FGF14: variants seen among roughly 807,000 people sequenced by gnomAD.
FGF14 encodes the protein fibroblast growth factor homologous factor 4.
FGF14 carries 5 observed loss-of-function variants against 25.5 expected under a neutral mutation model. That is an observed-to-expected ratio of 0.20 (90% CI 0.10 to 0.41). The LOEUF (loss-of-function observed/expected upper bound fraction) is 0.41. Ranked by LOEUF, FGF14 falls within the 10% of genes least tolerant of loss-of-function variation. The pLI, the probability that FGF14 is intolerant of heterozygous loss-of-function variation, is 1.00. For synonymous variants in FGF14, 138 were observed against 118.3 expected (o/e 1.17, Z -1.08); for missense variants, 222 against 320.1 (o/e 0.69, Z 2.34).
intron 1 of FGF14, chr13:102,394,489 G>A (rs1174084518): frequency 6.6e-6 from 1 of 152,532 alleles, no homozygotes; most frequent in African/African-American, 2.4e-5. Context: ...CCCGCGCGGC[G>A]GCTTCCGGCC....
intron 1 of FGF14, among the ~76,000 whole-genome samples, chr13:102,172,911 A>C (rs550628294): frequency 6.6e-6 from 1 of 152,294 alleles, no homozygotes; most frequent in African/African-American, 2.4e-5. Context: ...GACTCTTGTT[A>C]AGCCAGCTAC....
intron 1 of FGF14, among the ~76,000 whole-genome samples, chr13:102,330,115 C>G (rs1409703945): frequency 3.3e-5 from 5 of 152,140 alleles, no homozygotes; most frequent in African/African-American, 1.2e-4. Context: ...TCACTCTAAC[C>G]CTCTTCTAGA....
chr13:102,040,750 A>G (rs914406021), intron 1 of FGF14, among the ~76,000 whole-genome samples: 4 of 152,132 alleles, frequency 2.6e-5, no homozygotes, highest in African/African-American at 9.7e-5. Context: ...TTGTTACTTT[A>G]TCTTTCTGGG....
intron 3 of FGF14, among the ~76,000 whole-genome samples, chr13:101,787,457 C>G (rs190656464): frequency 2.5e-3 from 385 of 152,238 alleles, no homozygotes; most frequent in Middle Eastern, 6.8e-3. Context: ...GTTCCTTATA[C>G]TGTATTTTAA....
chr13:102,291,518 G>C (rs2054395981), intron 1 of FGF14, among the ~76,000 whole-genome samples: 1 of 152,154 alleles, frequency 6.6e-6, no homozygotes, highest in Admixed American at 6.5e-5. Context: ...CTATTCACCA[G>C]AGTAAATAAA....
chr13:101,734,222 T>C (rs1228416205), intron 3 of FGF14, among the ~76,000 whole-genome samples: 1 of 152,174 alleles, frequency 6.6e-6, no homozygotes, highest in African/African-American at 2.4e-5. Flanking sequence ...TTGGCATATA[T>C]TCTCATTACT....
intron 1 of FGF14, among the ~76,000 whole-genome samples, chr13:102,143,384 G>A (rs966990520): frequency 3.9e-5 from 6 of 152,088 alleles, no homozygotes; most frequent in African/African-American, 1.2e-4. Context: ...ATGTGCTTAT[G>A]TAATATATTA....
At chr13:102,096,087 A>C (rs766684516) in intron 1 of FGF14, among the ~76,000 whole-genome samples, 5 of 151,346 alleles carry the variant, frequency 3.3e-5, no homozygotes, top group Non-Finnish European at 7.4e-5. Flanking sequence ...GAGTTGGGAT[A>C]CATTGCCTTA....
chr13:102,016,901 C>T (rs1045700056), intron 1 of FGF14: 1 of 152,286 alleles, frequency 6.6e-6, no homozygotes, highest in Non-Finnish European at 1.5e-5. Context: ...TGCCCCTCCC[C>T]CAGTAGCATA....
At chr13:102,114,427 G>C (rs904682738) in intron 1 of FGF14, among the ~76,000 whole-genome samples, 2 of 152,100 alleles carry the variant, frequency 1.3e-5, no homozygotes, top group African/African-American at 2.4e-5. Flanking sequence ...TAGTCCCACG[G>C]TTTATTTTTG....
intron 1 of FGF14, among the ~76,000 whole-genome samples, chr13:102,188,522 T>A (rs1374572238): frequency 3.3e-5 from 5 of 152,200 alleles, no homozygotes; most frequent in African/African-American, 9.6e-5. Flanking sequence ...TTCTTCTTGT[T>A]TTTGTTTTGA....
chr13:101,821,259 CT>C (rs1364535603), intron 3 of FGF14, among the ~76,000 whole-genome samples: 1 of 152,104 alleles, frequency 6.6e-6, no homozygotes, highest in African/African-American at 2.4e-5. Flanking sequence ...AAATTTTGCT[CT>C]TTTTAAAAAT....
chr13:102,212,338 G>A (rs10508085), intron 1 of FGF14, among the ~76,000 whole-genome samples: 6,731 of 152,092 alleles, frequency 0.044, 273 homozygotes, highest in East Asian at 0.22. Flanking sequence ...CAAATTCATC[G>A]AACACAGTAA....
At chr13:101,811,620 T>C (rs2041514823) in intron 3 of FGF14, among the ~76,000 whole-genome samples, 1 of 152,236 alleles carries the variant, frequency 6.6e-6, no homozygotes, top group Non-Finnish European at 1.5e-5. Context: ...TTCCTTTGCA[T>C]AGAGGCCAAG....
chr13:102,225,975 A>G (rs538911314), intron 1 of FGF14, among the ~76,000 whole-genome samples: 104 of 152,306 alleles, frequency 6.8e-4, no homozygotes, highest in Non-Finnish European at 1.4e-3. Flanking sequence ...CATCCTTGGA[A>G]GAGTTTTTAC....
chr13:101,830,973 A>G (rs1395986921), intron 3 of FGF14, among the ~76,000 whole-genome samples: 2 of 152,076 alleles, frequency 1.3e-5, no homozygotes, highest in Admixed American at 1.3e-4. Context: ...TCTACTTTTA[A>G]GTAATCTTGT....
At chr13:102,372,516 T>C (rs1026207350) in intron 1 of FGF14, among the ~76,000 whole-genome samples, 2 of 152,106 alleles carry the variant, frequency 1.3e-5, no homozygotes, top group Non-Finnish European at 2.9e-5. Context: ...CTTTCCTGGT[T>C]CCCCAGAGAA....
intron 1 of FGF14, among the ~76,000 whole-genome samples, chr13:102,398,736 T>C (rs564098464): frequency 1.5e-3 from 233 of 152,002 alleles, no homozygotes; most frequent in Non-Finnish European, 2.7e-3. Flanking sequence ...TTTATGTTAC[T>C]AGCAGGAGAA....
At chr13:101,968,252 A>G (rs1308084661) in intron 1 of FGF14, among the ~76,000 whole-genome samples, 1 of 152,236 alleles carries the variant, frequency 6.6e-6, no homozygotes, top group Admixed American at 6.5e-5. Flanking sequence ...CTAATTTATT[A>G]AGCATGTCAT....
Sources: gnomAD v4.1 joint callset for allele counts (sites outside exome capture counted in the v4.1 genomes callset) on GRCh38, gnomAD v4.1.1 for gene constraint, MANE v1.5 for transcripts, NCBI Gene and HGNC (gene_info 2026-07-23, HGNC 2026-07-21) for gene names.